The following COL21A1 variants were observed in gnomAD, a reference collection of about 807,000 sequenced individuals.
COL21A1 encodes collagen alpha-1(XXI) chain.
In COL21A1, 149 loss-of-function variants were observed where a neutral mutation model predicts 137.9. The ratio of observed to expected loss-of-function variants is 1.08; its 90% confidence interval spans 0.95 to 1.24. The LOEUF is 1.24. COL21A1 is among the 50% of genes most tolerant of loss of function. The probability of loss-of-function intolerance (pLI) is 0.00; values close to 1 mark genes in which losing one functional copy is unlikely to be tolerated. For missense variants in COL21A1, 1,167 were observed against 1,158.4 expected (o/e 1.01, Z -0.11); for synonymous variants, 456 against 391.5 (o/e 1.16, Z -1.95).
At chr6:56,350,433 A>G (rs1765687587) in intron 1 of COL21A1, among the ~76,000 whole-genome samples, 1 of 152,208 alleles carries the variant, frequency 6.6e-6, no homozygotes. Context: ...CAGTGATTAT[A>G]TCTTTTTCAA....
intron 12 of COL21A1, among the ~76,000 whole-genome samples, chr6:56,130,165 T>TTATATA (rs201644225): frequency 0.024 from 2,515 of 105,828 alleles, 59 homozygotes; most frequent in Middle Eastern, 0.038. Context: ...TGACAGGGTT[T>TTATATA]TATATATATA....
intron 9 of COL21A1, among the ~76,000 whole-genome samples, chr6:56,163,022 T>C (rs949505039): frequency 1.3e-5 from 2 of 152,214 alleles, no homozygotes; most frequent in African/African-American, 4.8e-5. Flanking sequence ...AATGTATACT[T>C]CTTAAATTCC....
chr6:56,074,369 C>T, intron 19 of COL21A1, 84 bp from the exon 20 acceptor site: 1 of 862,252 alleles, frequency 1.2e-6, no homozygotes, highest in Non-Finnish European at 1.8e-6. Context: ...TACACATTCT[C>T]ATAATTAATT....
upstream of COL21A1, among the ~76,000 whole-genome samples, chr6:56,249,100 A>G (rs570705869): frequency 4.6e-5 from 7 of 152,232 alleles, no homozygotes; most frequent in Non-Finnish European, 8.8e-5. Context: ...AGATCTACTA[A>G]TGGCCAATGA....
chr6:56,116,958 T>C (rs901541092), intron 16 of COL21A1, among the ~76,000 whole-genome samples: 2 of 151,446 alleles, frequency 1.3e-5, no homozygotes, highest in African/African-American at 4.8e-5. Context: ...ACACAAAAAA[T>C]AAAAAGCAAG....
chr6:56,133,982 G>A (rs1773779864), intron 12 of COL21A1, among the ~76,000 whole-genome samples: 2 of 152,208 alleles, frequency 1.3e-5, no homozygotes, highest in African/African-American at 4.8e-5. Flanking sequence ...CTTGGGCAGT[G>A]AGGAAGGGAA....
intron 18 of COL21A1, among the ~76,000 whole-genome samples, chr6:56,076,067 G>T (rs1044293729): frequency 6.6e-6 from 1 of 151,372 alleles, no homozygotes; most frequent in Admixed American, 6.6e-5. Context: ...ACTTTGAGTT[G>T]GGGCTATAAT....
intron 1 of COL21A1, among the ~76,000 whole-genome samples, chr6:56,222,344 A>AG (rs1468341284): frequency 1.3e-5 from 2 of 152,064 alleles, no homozygotes; most frequent in African/African-American, 4.8e-5. Flanking sequence ...GTAAAATAGG[A>AG]GGTTAATAAT....
chr6:56,242,591 C>T (rs1183607705), intron 1 of COL21A1, among the ~76,000 whole-genome samples: 1 of 152,142 alleles, frequency 6.6e-6, no homozygotes, highest in African/African-American at 2.4e-5. Context: ...CCCAGAAGGT[C>T]ACTAAGCTTG....
At chr6:56,196,786 G>A (rs1779049946) in intron 1 of COL21A1, among the ~76,000 whole-genome samples, 2 of 152,106 alleles carry the variant, frequency 1.3e-5, no homozygotes, top group South Asian at 4.1e-4. Flanking sequence ...AATTAATATT[G>A]TTAAAATGTC....
chr6:56,307,424 G>T lies in COL21A1; in HGVS notation c.-39+86547C>A, dbSNP rs1764491259. On this transcript the variant is annotated intron_variant, in intron 1 of 28. Coordinates refer to the COL21A1 transcript ENST00000370819. ...TACCTACTCAAGCCTCAGCAATGGT[G>T]GGCACCCCTCCCCCAGCCTCGCTGC... Among the ~76,000 whole-genome samples, 7 of 152,166 alleles carry T rather than the reference G, an allele frequency of 4.6e-5. No homozygotes were observed. The South Asian group carries it at 1.2e-3, about 27-fold the overall frequency.
chr6:56,101,382 G>C, intron 17 of COL21A1, 90 bp downstream of exon 17: 1 of 914,674 alleles, frequency 1.1e-6, no homozygotes, highest in Non-Finnish European at 1.7e-6. Context: ...AAATAATAGG[G>C]CATCTGAGAG....
chr6:56,081,572 G>A (rs908762607), intron 17 of COL21A1, among the ~76,000 whole-genome samples: 2 of 151,626 alleles, frequency 1.3e-5, no homozygotes, highest in African/African-American at 2.4e-5. Flanking sequence ...GTAACTGGCA[G>A]GCCATTATGA....
At chr6:56,307,827 T>G (rs1764508107) in intron 1 of COL21A1, among the ~76,000 whole-genome samples, 1 of 152,186 alleles carries the variant, frequency 6.6e-6, no homozygotes, top group Non-Finnish European at 1.5e-5. Flanking sequence ...CCCTGGGAGC[T>G]GTAGACTGGA....
chr6:56,109,411 G>A (rs1256534016), intron 16 of COL21A1, among the ~76,000 whole-genome samples: 1 of 151,560 alleles, frequency 6.6e-6, no homozygotes, highest in Non-Finnish European at 1.5e-5. Context: ...AATCATGAGA[G>A]GAACTTGCAC....
intron 1 of COL21A1, among the ~76,000 whole-genome samples, chr6:56,224,936 C>A (rs1781092617): frequency 6.6e-6 from 1 of 152,124 alleles, no homozygotes; most frequent in East Asian, 1.9e-4. Context: ...TGATAAAGAA[C>A]AGCAATGCTG....
chr6:56,206,693 AATAAATATATAT>A lies in COL21A1; in HGVS notation c.-38-24049_-38-24038del, dbSNP rs1469109111. Among the ~76,000 whole-genome samples the A allele has an allele frequency of 4.0e-3, 505 of 127,822 alleles. 3 individuals are homozygous for A. The highest frequency in any genetic ancestry group is 0.013 in the African/African-American group (468 of 36,850). 83.9% of individuals were successfully genotyped at this position (127,822 alleles called of 152,430 possible). ...CCCAATTCAACAAAATAAATAAATA[AATAAATATATAT>A]ATATATATATATATATATATATATA... is the stretch of plus-strand genomic sequence containing the variant. On this transcript the variant is annotated intron_variant, in intron 1 of 29. Transcript: ENST00000244728.
chr6:56,346,956 G>A (rs2152346208), intron 1 of COL21A1, among the ~76,000 whole-genome samples: 1 of 152,242 alleles, frequency 6.6e-6, no homozygotes, highest in East Asian at 1.9e-4. Context: ...GCACTCAGCA[G>A]TCCCTGCCAC....
chr6:56,310,191 A>G (rs866572523), intron 1 of COL21A1, among the ~76,000 whole-genome samples: 24 of 99,926 alleles, frequency 2.4e-4, no homozygotes, highest in African/African-American at 7.4e-4. Context: ...GGAAGACGTA[A>G]GACAGAAAAT....
Sources: gnomAD v4.1 joint callset for allele counts (sites outside exome capture counted in the v4.1 genomes callset) on GRCh38, gnomAD v4.1.1 for gene constraint, MANE v1.5 for transcripts, NCBI Gene and HGNC (gene_info 2026-07-23, HGNC 2026-07-21) for gene names.